Variants in NFKBIB observed in about 807,000 individuals in gnomAD.
The protein encoded by NFKBIB is NFKB inhibitor beta.
NFKBIB carries 16 observed loss-of-function variants against 32.1 expected under a neutral mutation model. The ratio of observed to expected loss-of-function variants is 0.50; its 90% CI spans 0.34 to 0.76. NFKBIB has a LOEUF of 0.76. Ranked by LOEUF, NFKBIB falls within the 30% of genes least tolerant of loss-of-function variation. The pLI is 0.01. For synonymous variants in NFKBIB, 222 were observed against 219.5 expected (o/e 1.01, Z -0.10); for missense variants, 437 against 514.9 (o/e 0.85, Z 1.46).
At chr19:38,899,863 G>A, upstream of NFKBIB, 1 of 755,250 alleles carries the variant, frequency 1.3e-6, no homozygotes, top group East Asian at 2.7e-5. Context: ...CGAATACTCT[G>A]ATTGGTCAGG....
chr19:38,905,157 G>T lies in NFKBIB; in HGVS notation c.285+37G>T, dbSNP rs760173523. On this transcript the variant is annotated intron_variant, in intron 2 of 5. Coordinates refer to ENST00000313582, the MANE Select transcript of NFKBIB (RefSeq NM_002503.5). This position sits in a 1 kb window ranked among gnomAD's most constrained non-coding sequence, Gnocchi z 5.5. ...GGGATGGTGTAGGGCTTGGGGTCCAGGGTTCCCAGTGTGACTCCCTACCGC... is the reference window on the plus strand; with the variant it reads ...GGGATGGTGTAGGGCTTGGGGTCCATGGTTCCCAGTGTGACTCCCTACCGC... 69 of 1,611,970 alleles carry T rather than the reference G, an allele frequency of 4.3e-5. No individual in the cohort carries two copies. Among genetic ancestry groups the T allele is most frequent in the Non-Finnish European group, 4.0e-5 (47 of 1,178,952 alleles).
At position 38,908,818 on chromosome 19, in the gene NFKBIB, C is replaced by G. The variant is rs1448519785; in HGVS notation, c.1057C>G (p.Pro353Ala). The G allele has an allele frequency of 6.2e-7, 1 of 1,610,796 alleles. No individual in the cohort carries two copies. Among genetic ancestry groups the G allele is most frequent in the South Asian group, 1.1e-5 (1 of 90,562 alleles). ...AGCCTCAAAACCTCTTCCTGACGAC[C>G]CCCGCCCCGTGTGATTTGTTTCATT... Reference protein sequence around the residue: ...TPASKPLPDDPRPV With the variant: ...TPASKPLPDDARPV Residue 353 changes from proline (P) to alanine (A), a missense_variant, in exon 6 of 6, where the codon CCC becomes GCC. Pro to Ala is a conservative substitution (Grantham distance 27). Transcript: ENST00000313582.
At chr19:38,908,280 C>T in intron 5 of NFKBIB, 1 of 992,510 alleles carries the variant, frequency 1.0e-6, no homozygotes, top group Non-Finnish European at 1.2e-6. Flanking sequence ...GTGGCTCACG[C>T]CTGTAATCCC....
intron 1 of NFKBIB, among the ~76,000 whole-genome samples, chr19:38,902,695 G>C (rs993267226): frequency 1.3e-5 from 2 of 152,210 alleles, no homozygotes; most frequent in Non-Finnish European, 2.9e-5. Flanking sequence ...CATAAATAAA[G>C]TTCTTTTGGA....
chr19:38,907,463 A>C lies in NFKBIB; in HGVS notation c.773A>C (p.Glu258Ala). The change falls in exon 5 of 6, where the codon GAG (glutamate) becomes GCG (alanine). Residue 258 changes from glutamate (E) to alanine (A), a missense_variant. Physicochemically the swap from Glu to Ala is moderately radical, Grantham distance 107. Transcript: ENST00000313582. ...GAGGCCCAGGCAGCCGATGTGCTGG[A>C]GCTTCTCCTGAGGGCAGGCGCGAAC... Reference protein sequence around the residue: ...AVEAQAADVLELLLRAGANPA... With the variant: ...AVEAQAADVLALLLRAGANPA... 2 of 1,610,034 alleles carry C rather than the reference A, an allele frequency of 1.2e-6. No homozygotes were observed. Among genetic ancestry groups the C allele is most frequent in the East Asian group, 4.5e-5 (2 of 44,770 alleles).
chr19:38,901,972 TCTA>T (rs935035489), intron 1 of NFKBIB, among the ~76,000 whole-genome samples: 5 of 152,136 alleles, frequency 3.3e-5, no homozygotes, highest in Non-Finnish European at 5.9e-5. Flanking sequence ...TTATATATAT[TCTA>T]CTTACCTATG....
At chr19:38,908,085 A>C in intron 5 of NFKBIB, 1 of 1,031,234 alleles carries the variant, frequency 9.7e-7, no homozygotes, top group Non-Finnish European at 1.2e-6. Flanking sequence ...TAGTCAGAGA[A>C]CCCAGCAATA....
rs1274205733 is a variant in NFKBIB at position 38,905,484 on chromosome 19, G to A, written c.568G>A (p.Glu190Lys). The A allele has an allele frequency of 1.2e-6, 2 of 1,613,522 alleles. No homozygotes were observed. The highest frequency in any genetic ancestry group is 8.5e-7 in the Non-Finnish European group (1 of 1,179,686). The stretch of plus-strand genomic sequence containing the variant: ...CGATTCCGACTTGGAGAAGGAAGAA[G>A]AGGAGAGTGAGGAGGACTGGAAGCT... ...YPDSDLEKEE[E>K]ESEEDWKLQL... Residue 190 changes from glutamate to lysine, a missense_variant, in exon 3 of 6, where the codon GAG becomes AAG. Physicochemically the swap from Glu to Lys is moderately conservative, Grantham distance 56. Coordinates refer to ENST00000313582, the MANE Select transcript of NFKBIB (RefSeq NM_002503.5). This position sits in a 1 kb window ranked among gnomAD's most constrained non-coding sequence, Gnocchi z 5.5.
intron 1 of NFKBIB, among the ~76,000 whole-genome samples, chr19:38,902,500 TG>T: frequency 6.6e-6 from 1 of 151,860 alleles, no homozygotes; most frequent in Non-Finnish European, 1.5e-5. Flanking sequence ...TGTATGGTTG[TG>T]AGCTAAGAAT....
Position 38,899,977 on chromosome 19 carries a change from G to A in NFKBIB, c.-56G>A, listed in dbSNP as rs754707835. On this transcript the variant is annotated 5_prime_UTR_variant, in exon 1 of 6. Coordinates refer to ENST00000313582, the MANE Select transcript of NFKBIB (RefSeq NM_002503.5). Reference sequence around the variant, plus strand: ...GCAGGGCGGAAGCTCCAGAACTCCCGGCAAAGCCCAGCTACAGGCGGGCGA... The same window carrying A: ...GCAGGGCGGAAGCTCCAGAACTCCCAGCAAAGCCCAGCTACAGGCGGGCGA... 1 of 1,432,660 alleles carries A rather than the reference G, an allele frequency of 7.0e-7. No homozygotes were observed. Among genetic ancestry groups the A allele is most frequent in the South Asian group, 1.5e-5 (1 of 68,320 alleles). The allele number at this position is 1,432,660 out of a possible 1,614,324, so 88.7% of individuals were successfully genotyped here.
At chr19:38,904,377 G>A (rs1276313891) in intron 1 of NFKBIB, among the ~76,000 whole-genome samples, 1 of 152,122 alleles carries the variant, frequency 6.6e-6, no homozygotes, top group African/African-American at 2.4e-5. Flanking sequence ...CTTTTGGATG[G>A]TTTTCCCATC....
Position 38,907,850 on chromosome 19 carries a change from G to A in NFKBIB, c.969+191G>A, listed in dbSNP as rs557991772. 22 of 1,411,386 alleles carry A rather than the reference G, an allele frequency of 1.6e-5. No homozygotes were observed. The South Asian group carries it at 3.6e-4, about 23-fold the overall frequency. 87.4% of individuals were successfully genotyped at this position (1,411,386 alleles called of 1,614,324 possible). On this transcript the variant is annotated intron_variant, in intron 5 of 5. Coordinates refer to ENST00000313582, the MANE Select transcript of NFKBIB (RefSeq NM_002503.5). The stretch of plus-strand genomic sequence containing the variant: ...TGGTGGGAAGAGCTTGGGCAGAAGT[G>A]GCTGAAAAACTAAGGCAGTGGCAAA...
At chr19:38,908,670 A>C (rs1974230975) in intron 5 of NFKBIB, 61 bp from the exon 6 acceptor site, 3 of 1,562,850 alleles carry the variant, frequency 1.9e-6, no homozygotes, top group Non-Finnish European at 2.6e-6. Flanking sequence ...CTATGAGGAC[A>C]TGGGTGGTGG....
At position 38,905,829 on chromosome 19, in the gene NFKBIB, G is replaced by A. The variant is rs1176409317; in HGVS notation, c.619+294G>A. 1.3e-5 allele frequency among the ~76,000 whole-genome samples: 2 copies of A among 152,146 alleles called. No individual in the cohort carries two copies. The highest frequency in any genetic ancestry group is 2.9e-5 in the Non-Finnish European group (2 of 68,018). ...CGGGCCCCCGGGCTCCCCACCTGCA[G>A]AGTGTATTGCAGACCCCTACCCTAC... On this transcript the variant is annotated intron_variant, in intron 3 of 5. Transcript: ENST00000313582. The surrounding 1 kb of genome is among the most constrained non-coding windows in gnomAD (Gnocchi z 5.5).
rs766975129 is a variant in NFKBIB, at chr19:38,907,416, G to A, written c.726G>A (p.Arg242=). 3.8e-6 allele frequency: 6 copies of A among 1,593,148 alleles called. No individual in the cohort carries two copies. The highest frequency in any genetic ancestry group is 5.1e-6 in the Non-Finnish European group (6 of 1,165,276). ...DLDKPEPTCG[R]SPLHLAVEAQ... ...CCCCACAGGAGCCCACGTGCGGCCG[G>A]AGCCCCCTTCATTTGGCAGTGGAGG... Residue 242 remains arginine, a synonymous_variant, in exon 5 of 6, where the codon CGG becomes CGA. Transcript: ENST00000313582.
In NFKBIB at chr19:38,905,826, G is replaced by A. The variant is rs1438630270; in HGVS notation, c.619+291G>A. The stretch of plus-strand genomic sequence containing the variant: ...TGTCGGGCCCCCGGGCTCCCCACCT[G>A]CAGAGTGTATTGCAGACCCCTACCC... On this transcript the variant is annotated intron_variant, in intron 3 of 5. Transcript: ENST00000313582. The surrounding 1 kb of genome is among the most constrained non-coding windows in gnomAD (Gnocchi z 5.5). 2.0e-5 allele frequency among the ~76,000 whole-genome samples: 3 copies of A among 152,088 alleles called. No individual in the cohort carries two copies. The highest frequency in any genetic ancestry group is 4.4e-5 in the Non-Finnish European group (3 of 68,002).
intron 5 of NFKBIB, chr19:38,908,395 TG>T: frequency 1.3e-6 from 1 of 776,886 alleles, no homozygotes; most frequent in Non-Finnish European, 1.6e-6. Context: ...AAAAATTAGC[TG>T]GGCGTGGTGG....
chr19:38,900,359 CTT>C, intron 1 of NFKBIB, 148 bp downstream of exon 1: 1 of 846,870 alleles, frequency 1.2e-6, no homozygotes, highest in Non-Finnish European at 1.7e-6. Flanking sequence ...CGAGTCCTAA[CTT>C]TTAACAAAAC....
At chr19:38,901,606 G>A (rs1973967924) in intron 1 of NFKBIB, among the ~76,000 whole-genome samples, 1 of 151,604 alleles carries the variant, frequency 6.6e-6, no homozygotes, top group African/African-American at 2.4e-5. Flanking sequence ...CAGTTCTACT[G>A]CCTCAGCCTC....
Sources: allele counts gnomAD v4.1 joint callset (sites outside exome capture counted in the v4.1 genomes callset), GRCh38; gene constraint gnomAD v4.1.1; non-coding constraint Gnocchi (gnomAD v3.1); transcripts MANE v1.5; gene names NCBI Gene and HGNC (gene_info 2026-07-23, HGNC 2026-07-21).